Variants in MTUS2 observed in about 807,000 individuals in gnomAD.
MTUS2 encodes the protein microtubule-associated tumor suppressor candidate 2.
MTUS2 carries 40 observed loss-of-function variants against 114.1 expected under a neutral mutation model. The observed-to-expected ratio is 0.35, with a 90% confidence interval of 0.27 to 0.46. The LOEUF (loss-of-function observed/expected upper bound fraction) is 0.46. Ranked by LOEUF, MTUS2 falls within the 20% of genes least tolerant of loss-of-function variation. The probability of loss-of-function intolerance (pLI) is 1.00; values close to 1 mark genes in which losing one functional copy is unlikely to be tolerated. For synonymous variants in MTUS2, 688 were observed against 672.0 expected, an observed-to-expected ratio of 1.02 and a Z score of -0.37; for missense variants, 1,679 against 1,705.4, an observed-to-expected ratio of 0.98 and a Z score of 0.27.
chr13:28,985,021 A>G (rs933016676), intron 2 of MTUS2, among the ~76,000 whole-genome samples: 1 of 152,208 alleles, frequency 6.6e-6, no homozygotes, highest in Admixed American at 6.5e-5. Flanking sequence ...ATAAACCCAG[A>G]TTAGCAAATG....
chr13:29,244,911 C>G lies in MTUS2; in HGVS notation c.2645-36793C>G, dbSNP rs1194167490. On this transcript the variant is annotated intron_variant, in intron 5 of 15. Coordinates refer to ENST00000612955, the MANE Select transcript of MTUS2 (RefSeq NM_001033602.4). ...GCGGAGCTTGCAGTGAGCCGAGATC[C>G]CGCCACTGCACTCCAGCCTGGGCGA... 1.1e-3 allele frequency among the ~76,000 whole-genome samples: 144 copies of G among 133,630 alleles called. 1 individual carries two copies. The highest frequency in any genetic ancestry group is 5.6e-3 in the South Asian group (22 of 3,930). 87.7% of individuals were successfully genotyped at this position (133,630 alleles called of 152,430 possible).
At chr13:29,432,031 T>A (rs12584948) in intron 8 of MTUS2, among the ~76,000 whole-genome samples, 1 of 145,938 alleles carries the variant, frequency 6.9e-6, no homozygotes, top group Non-Finnish European at 1.5e-5. Context: ...TTTTTTTTTT[T>A]TGGCAGAGCT....
chr13:29,025,265 C>T lies in MTUS2; in HGVS notation c.567C>T (p.Ser189=). ...RASSSVAAVG[S]LTPQHPQPLS... ...GCAGCTCTGTAGCTGCAGTCGGGAG[C>T]CTGACTCCGCAGCATCCACAGCCTC... Residue 189 remains serine, a synonymous_variant, in exon 3 of 16, where the codon AGC becomes AGT. Coordinates refer to ENST00000612955, the MANE Select transcript of MTUS2 (RefSeq NM_001033602.4). 1.2e-6 allele frequency: 2 copies of T among 1,613,946 alleles called. No individual in the cohort carries two copies. Among genetic ancestry groups the T allele is most frequent in the South Asian group, 2.2e-5 (2 of 91,068 alleles).
At chr13:29,072,528 G>T (rs547881572) in intron 4 of MTUS2, among the ~76,000 whole-genome samples, 3 of 152,258 alleles carry the variant, frequency 2.0e-5, no homozygotes, top group South Asian at 2.1e-4. Flanking sequence ...CCATAGAAAA[G>T]ACTTCTTATG....
At chr13:28,827,913 G>A (rs947599831) in intron 1 of MTUS2, among the ~76,000 whole-genome samples, 6 of 152,190 alleles carry the variant, frequency 3.9e-5, no homozygotes, top group African/African-American at 7.2e-5. Context: ...AATTAAAATC[G>A]CTAATGAAGT....
intron 5 of MTUS2, among the ~76,000 whole-genome samples, chr13:29,104,089 C>T (rs541437862): frequency 1.8e-4 from 28 of 152,230 alleles, no homozygotes; most frequent in Admixed American, 9.8e-4. Context: ...ACATAGAGTC[C>T]GCATCCACCC....
chr13:29,379,527 G>T (rs7995456), intron 8 of MTUS2, among the ~76,000 whole-genome samples: 1 of 152,080 alleles, frequency 6.6e-6, no homozygotes, highest in Non-Finnish European at 1.5e-5. Flanking sequence ...CACTGTGGCC[G>T]TGGTGTAAAA....
intron 5 of MTUS2, among the ~76,000 whole-genome samples, chr13:29,113,038 A>G (rs1301111256): frequency 6.6e-6 from 1 of 152,190 alleles, no homozygotes; most frequent in Non-Finnish European, 1.5e-5. Flanking sequence ...TTTATACCGG[A>G]AACAATCTGA....
intron 9 of MTUS2, among the ~76,000 whole-genome samples, chr13:29,458,326 C>G (rs1421867898): frequency 6.6e-6 from 1 of 152,066 alleles, no homozygotes; most frequent in Non-Finnish European, 1.5e-5. Flanking sequence ...AAATCTATTG[C>G]CAACATATAA....
At chr13:29,245,322 CA>C (rs1299628442) in intron 5 of MTUS2, among the ~76,000 whole-genome samples, 3 of 152,094 alleles carry the variant, frequency 2.0e-5, no homozygotes, top group Non-Finnish European at 2.9e-5. Flanking sequence ...GGCCATGGAA[CA>C]GGTGGCATTT....
rs77630101 is a variant in MTUS2, at chr13:29,421,019, T to C, written c.3118-18964T>C. On this transcript the variant is annotated intron_variant, in intron 8 of 15. Transcript: ENST00000612955. ...CTCTTTTGACAAGTATCTGAGAACA[T>C]ATCTCAGAGCAAAAACACATATGCC... Among the ~76,000 whole-genome samples, 1,230 of 152,330 alleles carry C rather than the reference T, an allele frequency of 8.1e-3. 9 individuals carry two copies. Among genetic ancestry groups the C allele is most frequent in the Middle Eastern group, 0.024 (7 of 294 alleles).
chr13:29,179,964 G>C (rs1466839031), intron 5 of MTUS2, among the ~76,000 whole-genome samples: 1 of 152,202 alleles, frequency 6.6e-6, no homozygotes, highest in Non-Finnish European at 1.5e-5. Context: ...ATTTGAGGTG[G>C]ACAAAACTTA....
chr13:29,166,695 A>G (rs1302844053), intron 5 of MTUS2, among the ~76,000 whole-genome samples: 2 of 152,232 alleles, frequency 1.3e-5, no homozygotes, highest in African/African-American at 4.8e-5. Context: ...AATCAACACA[A>G]TACATCTTTT....
chr13:29,337,955 ATTT>A (rs34068964), intron 7 of MTUS2, among the ~76,000 whole-genome samples: 1 of 143,416 alleles, frequency 7.0e-6, no homozygotes, highest in Non-Finnish European at 1.5e-5. Context: ...TGCCCTGCTA[ATTT>A]TTTTTTTTTT....
At chr13:29,072,630 C>G (rs138356239) in intron 4 of MTUS2, among the ~76,000 whole-genome samples, 3 of 152,294 alleles carry the variant, frequency 2.0e-5, no homozygotes, top group African/African-American at 7.2e-5. Context: ...AGCCACTGAT[C>G]AGAAAACATG....
intron 7 of MTUS2, among the ~76,000 whole-genome samples, chr13:29,350,103 A>G (rs9579355): frequency 0.19 from 29,532 of 151,762 alleles, 2,992 homozygotes; most frequent in Middle Eastern, 0.23. Flanking sequence ...TTCTCTTGCT[A>G]TATCTTCACT....
At chr13:28,854,752 G>T (rs1283653486) in intron 2 of MTUS2, among the ~76,000 whole-genome samples, 1 of 152,156 alleles carries the variant, frequency 6.6e-6, no homozygotes, top group East Asian at 1.9e-4. Flanking sequence ...CCGCTTTTCA[G>T]TCTAGCCAGT....
chr13:29,349,791 A>T (rs1302207339), intron 7 of MTUS2, among the ~76,000 whole-genome samples: 1 of 151,902 alleles, frequency 6.6e-6, no homozygotes, highest in Non-Finnish European at 1.5e-5. Flanking sequence ...TGCTTTAAAG[A>T]TGTTCTCTTT....
intron 2 of MTUS2, among the ~76,000 whole-genome samples, chr13:28,859,963 G>A (rs1876868539): frequency 6.6e-6 from 1 of 152,308 alleles, no homozygotes; most frequent in African/African-American, 2.4e-5. Flanking sequence ...TTTCATTGCA[G>A]AACCTTGTGC....
Sources: allele counts gnomAD v4.1 joint callset (sites outside exome capture counted in the v4.1 genomes callset), GRCh38; gene constraint gnomAD v4.1.1; transcripts MANE v1.5; gene names NCBI Gene and HGNC (gene_info 2026-07-23, HGNC 2026-07-21).